TAF4B: variants seen among roughly 807,000 people sequenced by gnomAD.
TAF4B encodes transcription initiation factor TFIID subunit 4B.
TAF4B carries 38 observed loss-of-function variants against 86.4 expected under a neutral mutation model. The ratio of observed to expected loss-of-function variants is 0.44; its 90% CI spans 0.34 to 0.58. TAF4B has a LOEUF of 0.58. TAF4B is among the 20% of genes least tolerant of loss of function. The probability of loss-of-function intolerance (pLI) is 0.02; values close to 1 mark genes in which losing one functional copy is unlikely to be tolerated. For missense variants in TAF4B, 988 were observed against 1,027.6 expected (o/e 0.96, Z 0.53); for synonymous variants, 388 against 391.2 (o/e 0.99, Z 0.10).
At chr18:26,314,518 T>C (rs933110245) in intron 9 of TAF4B, among the ~76,000 whole-genome samples, 10 of 152,206 alleles carry the variant, frequency 6.6e-5, no homozygotes, top group South Asian at 2.1e-4. Context: ...TTATATTTTA[T>C]ATATAGGCCA....
At chr18:26,277,166 T>C (rs2056393915) in intron 5 of TAF4B, among the ~76,000 whole-genome samples, 1 of 152,178 alleles carries the variant, frequency 6.6e-6, no homozygotes, top group Admixed American at 6.6e-5. Flanking sequence ...CCCTGCTTTC[T>C]TGACCCTCCT....
chr18:26,376,871 AG>A (rs1164710714), intron 14 of TAF4B, among the ~76,000 whole-genome samples: 2 of 151,826 alleles, frequency 1.3e-5, no homozygotes, highest in African/African-American at 4.8e-5. Flanking sequence ...TGGTTTGTTT[AG>A]TCTTTTTATC....
chr18:26,335,044 G>C, intron 12 of TAF4B, 131 bp from the exon 13 acceptor site: 1 of 677,088 alleles, frequency 1.5e-6, no homozygotes, highest in East Asian at 2.8e-5. Flanking sequence ...AGCTAGACTG[G>C]ATTGAGGTAT....
At chr18:26,242,859 G>T (rs1366112868) in intron 1 of TAF4B, among the ~76,000 whole-genome samples, 1 of 151,864 alleles carries the variant, frequency 6.6e-6, no homozygotes, top group Non-Finnish European at 1.5e-5. Flanking sequence ...AGTTTGGCTG[G>T]ATATGAAATT....
intron 14 of TAF4B, among the ~76,000 whole-genome samples, chr18:26,381,940 A>G (rs2057482592): frequency 7.0e-6 from 1 of 142,572 alleles, no homozygotes; most frequent in Non-Finnish European, 1.5e-5. Flanking sequence ...CCAATTTCTA[A>G]TGGTTTCTCT....
chr18:26,273,548 T>C (rs1012737610), intron 3 of TAF4B, among the ~76,000 whole-genome samples: 1 of 152,188 alleles, frequency 6.6e-6, no homozygotes, highest in African/African-American at 2.4e-5. Flanking sequence ...TTTTAAATGT[T>C]CTTCCTGTTT....
Position 26,285,985 on chromosome 18 carries a change from C to T in TAF4B, c.1076C>T (p.Thr359Ile). 6.2e-7 allele frequency: 1 copy of T among 1,614,212 alleles called. No homozygotes were observed. Among genetic ancestry groups the T allele is most frequent in the Non-Finnish European group, 8.5e-7 (1 of 1,180,030 alleles). ...GACATGGTCATTGCTACCTGTACTA[C>T]AACAGTAACAACTTCTCCTGTGGTG... ...SSDMVIATCT[T>I]TVTTSPVVTT... The change falls in exon 7 of 15, where the codon ACA becomes ATA. Residue 359 changes from threonine to isoleucine, a missense_variant. Physicochemically the swap from Thr to Ile is moderately conservative, Grantham distance 89. Transcript: ENST00000269142.
chr18:26,369,397 A>G (rs977471714), intron 14 of TAF4B, among the ~76,000 whole-genome samples: 4 of 152,244 alleles, frequency 2.6e-5, no homozygotes, highest in African/African-American at 4.8e-5. Context: ...GACTGCTCCA[A>G]GAAAGTTACC....
intron 1 of TAF4B, among the ~76,000 whole-genome samples, chr18:26,254,116 C>T (rs1165035544): frequency 6.6e-6 from 1 of 151,300 alleles, no homozygotes; most frequent in Admixed American, 6.6e-5. Context: ...TTAGGGGAGA[C>T]GGGGTTTCAC....
At chr18:26,308,789 T>A (rs1408513584) in intron 9 of TAF4B, among the ~76,000 whole-genome samples, 4 of 144,550 alleles carry the variant, frequency 2.8e-5, no homozygotes, top group Non-Finnish European at 6.0e-5. Flanking sequence ...GGGGAATCGC[T>A]GGAACCTGGG....
chr18:26,291,834 G>A (rs2056597633), intron 7 of TAF4B, among the ~76,000 whole-genome samples: 1 of 152,122 alleles, frequency 6.6e-6, no homozygotes, highest in African/African-American at 2.4e-5. Flanking sequence ...ATAATTGAGG[G>A]CGGCAGGGAA....
intron 5 of TAF4B, among the ~76,000 whole-genome samples, chr18:26,280,353 A>G (rs1031642790): frequency 1.3e-5 from 2 of 152,212 alleles, no homozygotes; most frequent in African/African-American, 4.8e-5. Flanking sequence ...ACAGCAGAAG[A>G]TACTATCAAC....
chr18:26,306,903 G>C (rs2056800655), intron 9 of TAF4B, among the ~76,000 whole-genome samples: 1 of 151,986 alleles, frequency 6.6e-6, no homozygotes, highest in Admixed American at 6.6e-5. Flanking sequence ...TCAGCCTCCT[G>C]AGTAGCTGGG....
intron 1 of TAF4B, among the ~76,000 whole-genome samples, chr18:26,264,084 G>A (rs1312502046): frequency 6.6e-6 from 1 of 152,144 alleles, no homozygotes; most frequent in African/African-American, 2.4e-5. Flanking sequence ...GCCTTGGGGA[G>A]TGCCTTTGTA....
At chr18:26,358,883 A>G (rs972209290) in intron 14 of TAF4B, among the ~76,000 whole-genome samples, 31 of 152,194 alleles carry the variant, frequency 2.0e-4, no homozygotes, top group African/African-American at 7.2e-4. Context: ...ACTTCCTACC[A>G]TTGTTGATCC....
At chr18:26,357,649 A>G (rs1346066589) in intron 13 of TAF4B, 41 bp from the exon 14 acceptor site, 1 of 1,381,114 alleles carries the variant, frequency 7.2e-7, no homozygotes, top group Non-Finnish European at 1.0e-6. Context: ...TCTGAGCATG[A>G]ATGTGTATAA....
chr18:26,346,759 GTATATA>G (rs1189521252), intron 13 of TAF4B, among the ~76,000 whole-genome samples: 1 of 27,112 alleles, frequency 3.7e-5, no homozygotes, highest in Admixed American at 3.7e-4. Context: ...ATATATGTGT[GTATATA>G]TATATATATG....
chr18:26,261,427 C>T (rs1035924424), intron 1 of TAF4B, among the ~76,000 whole-genome samples: 1 of 152,108 alleles, frequency 6.6e-6, no homozygotes, highest in African/African-American at 2.4e-5. Flanking sequence ...GTCTCGATCT[C>T]CTGACCTTGT....
chr18:26,282,209 C>T lies in TAF4B; in HGVS notation c.972+149C>T, dbSNP rs567559413. 4.5e-5 allele frequency: 29 copies of T among 637,514 alleles called. 1 individual carries two copies. The highest frequency in any genetic ancestry group is 3.4e-4 in the Middle Eastern group (1 of 2,908). 39.5% of individuals were successfully genotyped at this position (637,514 alleles called of 1,614,324 possible). A position where few individuals can be genotyped will look rare whatever the true frequency, so the allele number is the denominator to read the frequency against. ...CTGAGTGCTTTTGTAAGCTATAAAGCGTGTTCATAATATTATTTTAATTTG... is the reference window on the plus strand; with the variant it reads ...CTGAGTGCTTTTGTAAGCTATAAAGTGTGTTCATAATATTATTTTAATTTG... On this transcript the variant is annotated intron_variant, in intron 6 of 14. Transcript: ENST00000269142.
Sources: allele counts gnomAD v4.1 joint callset (sites outside exome capture counted in the v4.1 genomes callset), GRCh38; gene constraint gnomAD v4.1.1; transcripts MANE v1.5; gene names NCBI Gene and HGNC (gene_info 2026-07-23, HGNC 2026-07-21).